The following ECPAS variants were observed in gnomAD, a reference collection of about 807,000 sequenced individuals.
ECPAS encodes the protein proteasome adapter and scaffold protein ECM29.
ECPAS carries 70 observed loss-of-function variants against 255.1 expected under a neutral mutation model. The ratio of observed to expected loss-of-function variants is 0.27; its 90% CI spans 0.23 to 0.33. The LOEUF (loss-of-function observed/expected upper bound fraction) is 0.33. Among genes scored for constraint, ECPAS ranks in the 10% least tolerant of loss-of-function variants. The probability of loss-of-function intolerance (pLI) is 1.00; values close to 1 mark genes in which losing one functional copy is unlikely to be tolerated. For missense variants in ECPAS, 1,817 were observed against 2,206.4 expected, an observed-to-expected ratio of 0.82 and a Z score of 3.54; for synonymous variants, 784 against 775.0, an observed-to-expected ratio of 1.01 and a Z score of -0.19.
Position 111,425,492 on chromosome 9 carries a change from G to C in ECPAS, c.1141C>G (p.Pro381Ala). ...CCTAATGGCTTAATCTTGATTTCTG[G>C]ACAGCTTTAAATAAAACACACATAC... ...QFVHHICITCPEIKIKPLGPM... is the reference protein window; with the variant it reads ...QFVHHICITCAEIKIKPLGPM... Residue 381 changes from proline to alanine, a missense_variant, in exon 12 of 50, where the codon CCA becomes GCA. By Grantham distance (27) the Pro-to-Ala change is conservative. This residue lies in a region of ECPAS where 573 missense variants were observed against 716.2 expected (regional missense o/e 0.80). Transcript: ENST00000684092. The C allele has an allele frequency of 1.3e-6, 2 of 1,591,134 alleles. No homozygotes were observed. The highest frequency in any genetic ancestry group is 1.7e-6 in the Non-Finnish European group (2 of 1,169,250).
At chr9:111,408,390 G>A (rs1342270980) in intron 24 of ECPAS, among the ~76,000 whole-genome samples, 181 bp downstream of exon 24, 1 of 152,000 alleles carries the variant, frequency 6.6e-6, no homozygotes, top group Non-Finnish European at 1.5e-5. Flanking sequence ...CCTCATAGGT[G>A]ATTTAGTCAA....
At chr9:111,444,586 G>C in intron 3 of ECPAS, 92 bp from the exon 4 acceptor site, 1 of 793,978 alleles carries the variant, frequency 1.3e-6, no homozygotes, top group Non-Finnish European at 2.1e-6. Flanking sequence ...ATCTATGTTA[G>C]TGAATAGTAG....
Position 111,425,749 on chromosome 9 carries a change from C to A in ECPAS, c.1130G>T (p.Cys377Phe). Residue 377 changes from cysteine to phenylalanine, a missense_variant, in exon 11 of 50, where the codon TGT (cysteine) becomes TTT (phenylalanine). Around this residue, in one of 4 missense-constraint regions of ECPAS, gnomAD observed 573 missense variants for 716.2 expected, o/e 0.80. Transcript: ENST00000684092. ...AAAATAGTTAAAGACTTACGTTATA[C>A]AAATATGATGCACAAATTGCAGGGA... Reference protein sequence around the residue: ...TLSLQFVHHICITCPEIKIKP... With the variant: ...TLSLQFVHHIFITCPEIKIKP... The A allele has an allele frequency of 6.4e-7, 1 of 1,562,948 alleles. No homozygotes were observed. Among genetic ancestry groups the A allele is most frequent in the Non-Finnish European group, 8.8e-7 (1 of 1,138,022 alleles).
chr9:111,369,108 CTCCTTT>C lies in ECPAS; in HGVS notation c.5034_5039del (p.Lys1679_Glu1680del). On this transcript the variant is annotated inframe_deletion, in exon 46 of 50. Coordinates refer to ENST00000684092, the MANE Select transcript of ECPAS (RefSeq NM_001364929.1). ...CACCCAGCAGATATTCCAGCTGGAG[CTCCTTT>C]TCCTTTTCATTCTCCTCTTCATTTT... is the stretch of plus-strand genomic sequence containing the variant. 1 of 1,607,994 alleles carries C rather than the reference CTCCTTT, an allele frequency of 6.2e-7. No individual in the cohort carries two copies. Among genetic ancestry groups the C allele is most frequent in the Non-Finnish European group, 8.5e-7 (1 of 1,177,696 alleles).
At chr9:111,433,647 A>G (rs2098233409) in intron 7 of ECPAS, among the ~76,000 whole-genome samples, 1 of 152,224 alleles carries the variant, frequency 6.6e-6, no homozygotes, top group African/African-American at 2.4e-5. Context: ...CTGGTAAACG[A>G]CGATGGCAGG....
intron 2 of ECPAS, among the ~76,000 whole-genome samples, chr9:111,452,057 T>C (rs2098260952): frequency 6.6e-6 from 1 of 152,080 alleles, no homozygotes; most frequent in Non-Finnish European, 1.5e-5. Flanking sequence ...ATGAGAGACA[T>C]ATGTTAAGTG....
chr9:111,441,850 A>G (rs1173079907), intron 5 of ECPAS, among the ~76,000 whole-genome samples: 1 of 152,234 alleles, frequency 6.6e-6, no homozygotes, highest in Non-Finnish European at 1.5e-5. Context: ...GAGCTAGAAC[A>G]AAGAACTTTT....
intron 48 of ECPAS, among the ~76,000 whole-genome samples, chr9:111,364,648 A>C (rs1292486699): frequency 6.6e-6 from 1 of 152,224 alleles, no homozygotes; most frequent in Non-Finnish European, 1.5e-5. Context: ...AATTACTTGA[A>C]TGATCTTAAG....
At position 111,426,984 on chromosome 9, in the gene ECPAS, C is replaced by A. The variant is rs190244485; in HGVS notation, c.1050+1058G>T. 1.2e-4 allele frequency among the ~76,000 whole-genome samples: 18 copies of A among 151,972 alleles called. No homozygotes were observed. In the East Asian group the frequency reaches 3.3e-3, roughly 28 times the overall value. ...AAAGACTCCGTCTCCAAAAAAACCA[C>A]AAAAAGATATGGGACAAAATATAAT... On this transcript the variant is annotated intron_variant, in intron 10 of 49. Transcript: ENST00000684092.
chr9:111,374,178 G>A, intron 38 of ECPAS, 140 bp from the exon 39 acceptor site: 5 of 568,564 alleles, frequency 8.8e-6, no homozygotes, highest in Admixed American at 2.9e-5. Context: ...TATAGAAAAA[G>A]GCAAACTCTT....
In ECPAS at chr9:111,428,173, A is replaced by G; in HGVS notation, c.931-12T>C. ...TTCAGAACTGCACCCTGTTGAAAAT[A>G]TGCTTGATTATAACTCAGCAATTCA... On this transcript the variant is annotated splice_polypyrimidine_tract_variant and intron_variant, in intron 9 of 49. Transcript: ENST00000684092. 6.2e-7 allele frequency: 1 copy of G among 1,604,840 alleles called. No individual in the cohort carries two copies. The highest frequency in any genetic ancestry group is 1.7e-4 in the Middle Eastern group (1 of 5,994).
rs777736325 is a variant in ECPAS, at chr9:111,412,160, A to G, written c.2080-12T>C. The G allele has an allele frequency of 6.5e-6, 9 of 1,384,058 alleles. No homozygotes were observed. The highest frequency in any genetic ancestry group is 8.6e-6 in the Non-Finnish European group (9 of 1,044,554). The allele number at this position is 1,384,058 out of a possible 1,614,324, so 85.7% of individuals were successfully genotyped here. A position where few individuals can be genotyped will look rare whatever the true frequency, so the allele number is the denominator to read the frequency against. On this transcript the variant is annotated splice_polypyrimidine_tract_variant and intron_variant, in intron 20 of 49. Transcript: ENST00000684092. Reference sequence around the variant, plus strand: ...TTATTCATCAGACTCTGAGCAGTATAAAAAAAAAACAAATATATACATGAC... The same window carrying G: ...TTATTCATCAGACTCTGAGCAGTATGAAAAAAAAACAAATATATACATGAC...
At position 111,397,142 on chromosome 9, in the gene ECPAS, T is replaced by C. The variant is rs2098168788; in HGVS notation, c.2664A>G (p.Ile888Met). Residue 888 changes from isoleucine to methionine, a missense_variant, in exon 25 of 50, where the codon ATA becomes ATG. By Grantham distance (10) the Ile-to-Met change is conservative. This residue lies in a region of ECPAS where 960 missense variants were observed against 1,179.0 expected (regional missense o/e 0.81). Coordinates refer to ENST00000684092, the MANE Select transcript of ECPAS (RefSeq NM_001364929.1). Reference protein sequence around the residue: ...GLMDSVEAKQIELQFTIGEAI... With the variant: ...GLMDSVEAKQMELQFTIGEAI... ...CTTCGCCAATAGTGAACTGAAGTTC[T>C]ATCTGCTTGGCCTGCAACGAAGGAA... The C allele has an allele frequency of 3.1e-6, 5 of 1,613,730 alleles. No homozygotes were observed. Among genetic ancestry groups the C allele is most frequent in the Non-Finnish European group, 3.4e-6 (4 of 1,179,768 alleles).
At chr9:111,383,128 T>C in intron 35 of ECPAS, 83 bp downstream of exon 35, 2 of 1,527,364 alleles carry the variant, frequency 1.3e-6, no homozygotes, top group Non-Finnish European at 1.8e-6. Context: ...TTCTCCATAT[T>C]TTCCAGAATC....
chr9:111,419,238 A>G (rs920424652), intron 16 of ECPAS, among the ~76,000 whole-genome samples: 1 of 152,160 alleles, frequency 6.6e-6, no homozygotes, highest in African/African-American at 2.4e-5. Flanking sequence ...GAAGCTTTTC[A>G]TCTCCCCAAA....
intron 7 of ECPAS, among the ~76,000 whole-genome samples, chr9:111,436,294 C>A (rs2098238089): frequency 6.6e-6 from 1 of 152,178 alleles, no homozygotes; most frequent in African/African-American, 2.4e-5. Flanking sequence ...TAATTACATA[C>A]TGATCTCATC....
At chr9:111,417,273 T>C (rs551898971) in intron 17 of ECPAS, among the ~76,000 whole-genome samples, 77 of 151,940 alleles carry the variant, frequency 5.1e-4, no homozygotes, top group African/African-American at 1.7e-3. Context: ...AAAAAGGAGA[T>C]GTATTTTTAA....
chr9:111,427,901 TAA>T lies in ECPAS; in HGVS notation c.1050+139_1050+140del, dbSNP rs1056825414. On this transcript the variant is annotated intron_variant, in intron 10 of 49. Coordinates refer to ENST00000684092, the MANE Select transcript of ECPAS (RefSeq NM_001364929.1). Reference sequence around the variant, plus strand: ...TTTTAAAATCATATTGCAGCAAATTTAAGATAGAAAAAAAGAATCTCATTAAT... The same window carrying T: ...TTTTAAAATCATATTGCAGCAAATTTGATAGAAAAAAAGAATCTCATTAAT... 9 of 629,150 alleles carry T rather than the reference TAA, an allele frequency of 1.4e-5. No individual in the cohort carries two copies. The Admixed American group carries it at 2.0e-4, about 14-fold the overall frequency. 39.0% of individuals were successfully genotyped at this position (629,150 alleles called of 1,614,324 possible). A position where few individuals can be genotyped will look rare whatever the true frequency, so the allele number is the denominator to read the frequency against.
At chr9:111,450,248 A>T (rs1006659069) in intron 3 of ECPAS, among the ~76,000 whole-genome samples, 10 of 152,224 alleles carry the variant, frequency 6.6e-5, no homozygotes, top group Admixed American at 2.0e-4. Flanking sequence ...AGGGCCTCTT[A>T]GACCTTGCTA....
Sources: allele counts gnomAD v4.1 joint callset (sites outside exome capture counted in the v4.1 genomes callset), GRCh38; gene constraint gnomAD v4.1.1; regional missense constraint gnomAD v4.1.1; transcripts MANE v1.5; gene names NCBI Gene and HGNC (gene_info 2026-07-23, HGNC 2026-07-21).